SMAD7: variants seen among roughly 807,000 people sequenced by gnomAD.
The protein encoded by SMAD7 is SMAD family member 7.
SMAD7 carries 8 observed loss-of-function variants against 38.7 expected under a neutral mutation model. The ratio of observed to expected loss-of-function variants is 0.21; its 90% confidence interval spans 0.12 to 0.37. The LOEUF (loss-of-function observed/expected upper bound fraction) is 0.37. Ranked by LOEUF, SMAD7 falls within the 10% of genes least tolerant of loss-of-function variation. The pLI, the probability that SMAD7 is intolerant of heterozygous loss-of-function variation, is 1.00. For synonymous variants in SMAD7, 327 were observed against 265.1 expected, an observed-to-expected ratio of 1.23 and a Z score of -2.27; for missense variants, 477 against 577.9, an observed-to-expected ratio of 0.83 and a Z score of 1.79.
In SMAD7 at chr18:48,932,259, G is replaced by A. The variant is rs372128656; in HGVS notation, c.742+10222C>T. ...GACTGGAAGGTGGGACAGGGGACAG[G>A]GACAATCATTTAACCTCCGAGTGAG... is the stretch of plus-strand genomic sequence containing the variant. On this transcript the variant is annotated intron_variant, in intron 3 of 3. Coordinates refer to ENST00000262158, the MANE Select transcript of SMAD7 (RefSeq NM_005904.4). Among the ~76,000 whole-genome samples the A allele has an allele frequency of 2.0e-5, 3 of 152,080 alleles. No individual in the cohort carries two copies. The East Asian group carries it at 5.8e-4, about 29-fold the overall frequency.
In SMAD7 at chr18:48,950,394, G is replaced by A. The variant is rs758335365; in HGVS notation, c.31C>T (p.Arg11Trp). Residue 11 changes from arginine to tryptophan, a missense_variant, in exon 1 of 4, where the codon CGG becomes TGG. Physicochemically the swap from Arg to Trp is moderately radical, Grantham distance 101. Coordinates refer to ENST00000262158, the MANE Select transcript of SMAD7 (RefSeq NM_005904.4). Reference protein sequence around the residue: MFRTKRSALVRRLWRSRAPGG... With the variant: MFRTKRSALVWRLWRSRAPGG... ...GGCGCACGGCTCCTCCAGAGACGCCGGACGAGCGCAGATCGTTTGGTCCTG... is the reference window on the plus strand; with the variant it reads ...GGCGCACGGCTCCTCCAGAGACGCCAGACGAGCGCAGATCGTTTGGTCCTG... 8 of 1,547,236 alleles carry A rather than the reference G, an allele frequency of 5.2e-6. No homozygotes were observed. The South Asian group carries it at 8.4e-5, about 16-fold the overall frequency.
chr18:48,931,794 C>A (rs1238670293), intron 3 of SMAD7, among the ~76,000 whole-genome samples: 3 of 152,198 alleles, frequency 2.0e-5, no homozygotes, highest in African/African-American at 7.2e-5. Context: ...CTGAGACACT[C>A]GGCCTCAACC....
At chr18:48,932,572 G>A (rs201927805) in intron 3 of SMAD7, among the ~76,000 whole-genome samples, 33 of 152,158 alleles carry the variant, frequency 2.2e-4, no homozygotes, top group Non-Finnish European at 4.3e-4. Flanking sequence ...GGGGCTTCAC[G>A]GAGGAGCGAG....
At position 48,922,927 on chromosome 18, in the gene SMAD7, C is replaced by G. The variant is rs190808982; in HGVS notation, c.743-1017G>C. ...ATTCTGGTAAGGTAATTTTCCTCAACAGGCACTTGGAGGACTTTAAAAGGG... is the reference window on the plus strand; with the variant it reads ...ATTCTGGTAAGGTAATTTTCCTCAAGAGGCACTTGGAGGACTTTAAAAGGG... On this transcript the variant is annotated intron_variant, in intron 3 of 3. Transcript: ENST00000262158. Among the ~76,000 whole-genome samples, 153 of 152,284 alleles carry G rather than the reference C, an allele frequency of 1.0e-3. 1 individual carries two copies. Among genetic ancestry groups the G allele is most frequent in the Admixed American group, 4.3e-3 (66 of 15,302 alleles).
chr18:48,927,800 C>T (rs1264034804), intron 3 of SMAD7, among the ~76,000 whole-genome samples: 1 of 152,212 alleles, frequency 6.6e-6, no homozygotes, highest in African/African-American at 2.4e-5. Flanking sequence ...AATGCCTACA[C>T]TTAATAAGCA....
chr18:48,948,500 G>A (rs2070222413), intron 1 of SMAD7, 63 bp from the exon 2 acceptor site: 5 of 1,153,022 alleles, frequency 4.3e-6, no homozygotes, highest in Non-Finnish European at 6.3e-6. Flanking sequence ...AGAAACTTAT[G>A]ATAACAGAGG....
chr18:48,929,567 T>TCACACACACACACACACACACA lies in SMAD7; in HGVS notation c.743-7658_743-7657insTGTGTGTGTGTGTGTGTGTGTG, dbSNP rs112497008. Among the ~76,000 whole-genome samples, 101 of 61,774 alleles carry TCACACACACACACACACACACA rather than the reference T, an allele frequency of 1.6e-3. 1 individual carries two copies. The highest frequency in any genetic ancestry group is 3.2e-3 in the African/African-American group (84 of 26,150). The allele number at this position is 61,774 out of a possible 152,430, so 40.5% of individuals were successfully genotyped here. A position where few individuals can be genotyped will look rare whatever the true frequency, so the allele number is the denominator to read the frequency against. On this transcript the variant is annotated intron_variant, in intron 3 of 3. Transcript: ENST00000262158. The stretch of plus-strand genomic sequence containing the variant: ...TTCTCTCTTTCTCTCTCTCTCTCTC[T>TCACACACACACACACACACACA]CTCACTCACACACACACACACACAC...
At chr18:48,937,592 G>A (rs1314198207) in intron 3 of SMAD7, among the ~76,000 whole-genome samples, 1 of 152,194 alleles carries the variant, frequency 6.6e-6, no homozygotes, top group Non-Finnish European at 1.5e-5. Context: ...TGCATGACCT[G>A]GGGCACTGCA....
At chr18:48,930,707 ATCGGTGTGTG>A (rs2069988939) in intron 3 of SMAD7, among the ~76,000 whole-genome samples, 1 of 115,802 alleles carries the variant, frequency 8.6e-6, no homozygotes, top group Non-Finnish European at 2.0e-5. Flanking sequence ...ACCGCATGCG[ATCGGTGTGTG>A]CCGACACATG....
At chr18:48,940,338 T>C (rs1210467147) in intron 3 of SMAD7, among the ~76,000 whole-genome samples, 1 of 152,230 alleles carries the variant, frequency 6.6e-6, no homozygotes, top group Non-Finnish European at 1.5e-5. Context: ...CACTGCTTCT[T>C]CCTGGCAGCT....
intron 3 of SMAD7, among the ~76,000 whole-genome samples, chr18:48,939,701 C>T (rs1343285380): frequency 1.3e-5 from 2 of 152,084 alleles, no homozygotes; most frequent in African/African-American, 4.8e-5. Flanking sequence ...TCATTAAGCC[C>T]GCTCTCAGCC....
intron 3 of SMAD7, among the ~76,000 whole-genome samples, chr18:48,940,069 G>A (rs950338034): frequency 6.6e-6 from 1 of 152,104 alleles, no homozygotes; most frequent in African/African-American, 2.4e-5. Flanking sequence ...GACAGCCCTA[G>A]GTTTTCTCCG....
At chr18:48,922,766 G>T (rs2069877577) in intron 3 of SMAD7, among the ~76,000 whole-genome samples, 1 of 152,000 alleles carries the variant, frequency 6.6e-6, no homozygotes, top group South Asian at 2.1e-4. Context: ...ATCCCCAGGG[G>T]TGCCCCCTCT....
At chr18:48,935,117 CG>C (rs1267019203) in intron 3 of SMAD7, among the ~76,000 whole-genome samples, 2 of 152,098 alleles carry the variant, frequency 1.3e-5, no homozygotes, top group African/African-American at 2.4e-5. Context: ...GCACCTTCCA[CG>C]GGAGTGGAAG....
intron 3 of SMAD7, among the ~76,000 whole-genome samples, chr18:48,937,153 T>A (rs976241477): frequency 1.3e-5 from 2 of 152,106 alleles, no homozygotes; most frequent in Non-Finnish European, 2.9e-5. Context: ...TGATCATGAA[T>A]TCTTCGGCAT....
intron 2 of SMAD7, among the ~76,000 whole-genome samples, chr18:48,947,895 C>CG (rs201474740): frequency 7.1e-6 from 1 of 140,896 alleles, no homozygotes; most frequent in African/African-American, 2.7e-5. Context: ...GGAACCTACC[C>CG]CCCCCCCCCT....
rs1381799983 is a variant in SMAD7 at position 48,939,437 on chromosome 18, C to T, written c.742+3044G>A. On this transcript the variant is annotated intron_variant, in intron 3 of 3. Coordinates refer to ENST00000262158, the MANE Select transcript of SMAD7 (RefSeq NM_005904.4). ...GGAATTCCAACCTGCAGCCAGCAGC[C>T]CCGCCCCCGGGCTCCTACCCGCCCA... Among the ~76,000 whole-genome samples, 5 of 149,214 alleles carry T rather than the reference C, an allele frequency of 3.4e-5. No individual in the cohort carries two copies. The Admixed American group carries it at 3.4e-4, about 10-fold the overall frequency.
At chr18:48,925,321 G>T (rs978959949) in intron 3 of SMAD7, among the ~76,000 whole-genome samples, 7 of 152,184 alleles carry the variant, frequency 4.6e-5, no homozygotes, top group Admixed American at 6.5e-5. Flanking sequence ...GTTGTAAAAA[G>T]CTCACTAATC....
At position 48,929,569 on chromosome 18, in the gene SMAD7, T is replaced by TCACACACACACACACACACACACA. The variant is rs1555716118; in HGVS notation, c.743-7660_743-7659insTGTGTGTGTGTGTGTGTGTGTGTG. On this transcript the variant is annotated intron_variant, in intron 3 of 3. Coordinates refer to ENST00000262158, the MANE Select transcript of SMAD7 (RefSeq NM_005904.4). ...CTCTCTTTCTCTCTCTCTCTCTCTC[T>TCACACACACACACACACACACACA]CACTCACACACACACACACACACAC... 7.4e-3 allele frequency among the ~76,000 whole-genome samples: 842 copies of TCACACACACACACACACACACACA among 114,482 alleles called. 25 individuals are homozygous for TCACACACACACACACACACACACA. Among genetic ancestry groups the TCACACACACACACACACACACACA allele is most frequent in the African/African-American group, 0.028 (803 of 28,824 alleles). The allele number at this position is 114,482 out of a possible 152,430, so 75.1% of individuals were successfully genotyped here. A position where few individuals can be genotyped will look rare whatever the true frequency, so the allele number is the denominator to read the frequency against.
Sources: allele counts gnomAD v4.1 joint callset (sites outside exome capture counted in the v4.1 genomes callset), GRCh38; gene constraint gnomAD v4.1.1; transcripts MANE v1.5; gene names NCBI Gene and HGNC (gene_info 2026-07-23, HGNC 2026-07-21).